PCDH9: variants seen among roughly 807,000 people sequenced by gnomAD.
PCDH9 encodes protocadherin-9.
PCDH9 carries 24 observed loss-of-function variants against 70.6 expected under a neutral mutation model. That is an observed-to-expected ratio of 0.34 (90% CI 0.25 to 0.48). The LOEUF (loss-of-function observed/expected upper bound fraction) is 0.48. PCDH9 is among the 20% of genes least tolerant of loss of function. The pLI, the probability that PCDH9 is intolerant of heterozygous loss-of-function variation, is 0.99. For missense variants in PCDH9, 1,281 were observed against 1,503.6 expected (o/e 0.85, Z 2.45); for synonymous variants, 562 against 558.5 (o/e 1.01, Z -0.09).
At chr13:66,390,299 A>G (rs1956994677) in intron 4 of PCDH9, among the ~76,000 whole-genome samples, 1 of 152,052 alleles carries the variant, frequency 6.6e-6, no homozygotes, top group South Asian at 2.1e-4. Flanking sequence ...ATGGCACTCC[A>G]TTTCTTCTTC....
At chr13:66,787,371 T>G (rs2080096022) in intron 3 of PCDH9, among the ~76,000 whole-genome samples, 1 of 152,098 alleles carries the variant, frequency 6.6e-6, no homozygotes, top group African/African-American at 2.4e-5. Flanking sequence ...ATCACAGCAC[T>G]TTGGGAGGCT....
chr13:66,419,362 G>A (rs773903407), intron 4 of PCDH9, among the ~76,000 whole-genome samples: 53 of 151,854 alleles, frequency 3.5e-4, no homozygotes, highest in Non-Finnish European at 5.6e-4. Context: ...GGATTCCCAC[G>A]CAAGATGGCG....
At chr13:67,184,612 T>C (rs904758197) in intron 2 of PCDH9, among the ~76,000 whole-genome samples, 1 of 152,078 alleles carries the variant, frequency 6.6e-6, no homozygotes, top group Non-Finnish European at 1.5e-5. Flanking sequence ...ACAACTGTTG[T>C]CCCGGCTACT....
intron 2 of PCDH9, among the ~76,000 whole-genome samples, chr13:66,919,872 A>T (rs537223760): frequency 5.6e-4 from 85 of 151,266 alleles, no homozygotes; most frequent in Non-Finnish European, 1.1e-3. Flanking sequence ...ATTAAAATTT[A>T]AAATTATATA....
Position 67,224,465 on chromosome 13 carries a change from G to A in PCDH9, c.3036+940C>T, listed in dbSNP as rs190980039. The A allele has an allele frequency of 4.3e-3, 648 of 152,258 alleles. 3 individuals carry two copies. Among genetic ancestry groups the A allele is most frequent in the Admixed American group, 8.0e-3 (123 of 15,292 alleles). 9.4% of individuals were successfully genotyped at this position (152,258 alleles called of 1,614,324 possible). The stretch of plus-strand genomic sequence containing the variant: ...AGGCTATTATCGATATTCAAATTTT[G>A]TGGCAACAGACAAGCACCAGTGAAA... On this transcript the variant is annotated intron_variant, in intron 2 of 4. Transcript: ENST00000377865.
intron 4 of PCDH9, among the ~76,000 whole-genome samples, chr13:66,433,678 C>G (rs993293598): frequency 6.6e-5 from 10 of 151,312 alleles, no homozygotes; most frequent in Admixed American, 6.6e-4. Flanking sequence ...GTTAAGTATC[C>G]CACCCAATGC....
chr13:67,226,055 A>G lies in PCDH9; in HGVS notation c.2386T>C (p.Leu796=). 3 of 1,614,074 alleles carry G rather than the reference A, an allele frequency of 1.9e-6. No homozygotes were observed. The highest frequency in any genetic ancestry group is 1.7e-6 in the Non-Finnish European group (2 of 1,180,002). ...DLIRRTMETP[L]DRNIGDSSQP... ...CTACTATCCCCTATGTTCCTGTCCA[A>G]CGGGGTCTCCATAGTCCTGCGGATC... Residue 796 remains leucine, a synonymous_variant, in exon 2 of 5, where the codon TTG becomes CTG. Transcript: ENST00000377865. The surrounding 1 kb of genome is among the most constrained non-coding windows in gnomAD (Gnocchi z 5.0).
chr13:66,599,260 ATT>A (rs970780470), intron 4 of PCDH9, among the ~76,000 whole-genome samples: 1 of 151,542 alleles, frequency 6.6e-6, no homozygotes, highest in Non-Finnish European at 1.5e-5. Flanking sequence ...TTAAAAAGAA[ATT>A]TTTTTTCTTT....
intron 4 of PCDH9, among the ~76,000 whole-genome samples, chr13:66,320,894 G>A (rs764648198): frequency 2.6e-5 from 4 of 151,966 alleles, no homozygotes; most frequent in Non-Finnish European, 4.4e-5. Flanking sequence ...AGATCATCAC[G>A]TATAGCTTTC....
At position 66,575,665 on chromosome 13, in the gene PCDH9, C is replaced by T. The variant is rs752764528; in HGVS notation, c.3340+55545G>A. On this transcript the variant is annotated intron_variant, in intron 4 of 4. Transcript: ENST00000377865. Reference sequence around the variant, plus strand: ...TGGTATCCTCTTTATCCATCAATATCTTTTCATCCTTTAGGTTTTAGCTAA... The same window carrying T: ...TGGTATCCTCTTTATCCATCAATATTTTTTCATCCTTTAGGTTTTAGCTAA... 2.0e-5 allele frequency among the ~76,000 whole-genome samples: 3 copies of T among 152,224 alleles called. 1 individual carries two copies. The East Asian group carries it at 5.8e-4, about 29-fold the overall frequency.
intron 4 of PCDH9, among the ~76,000 whole-genome samples, chr13:66,502,251 T>C (rs1959180617): frequency 6.6e-6 from 1 of 152,158 alleles, no homozygotes; most frequent in South Asian, 2.1e-4. Context: ...ACATTAACTA[T>C]CACACTGAAT....
chr13:66,451,190 A>T (rs952370690), intron 4 of PCDH9, among the ~76,000 whole-genome samples: 8 of 152,344 alleles, frequency 5.3e-5, no homozygotes, highest in Admixed American at 4.6e-4. Flanking sequence ...TCACTCAAAA[A>T]ACTATATTTC....
intron 2 of PCDH9, among the ~76,000 whole-genome samples, chr13:66,941,773 CAG>C (rs1398415391): frequency 6.6e-6 from 1 of 151,758 alleles, no homozygotes; most frequent in Non-Finnish European, 1.5e-5. Context: ...TGCAAATAAA[CAG>C]AAAATAAATA....
chr13:66,979,201 G>A (rs1000628268), intron 2 of PCDH9, among the ~76,000 whole-genome samples: 1 of 152,026 alleles, frequency 6.6e-6, no homozygotes, highest in Non-Finnish European at 1.5e-5. Context: ...TTCTTTGAGG[G>A]TTATCAACCT....
In PCDH9 at chr13:66,670,994, C is replaced by T. The variant is rs373835449; in HGVS notation, c.3139-39583G>A. 1.4e-4 allele frequency among the ~76,000 whole-genome samples: 21 copies of T among 150,750 alleles called. 1 individual carries two copies. The East Asian group carries it at 3.1e-3, about 22-fold the overall frequency. On this transcript the variant is annotated intron_variant, in intron 3 of 4. Transcript: ENST00000377865. ...ACCCAAATCTCACTTTGAATTGTAGCTCCACATGTCATGGGAGGGACCTGT... is the reference window on the plus strand; with the variant it reads ...ACCCAAATCTCACTTTGAATTGTAGTTCCACATGTCATGGGAGGGACCTGT...
chr13:66,969,630 C>G (rs1161348211), intron 2 of PCDH9, among the ~76,000 whole-genome samples: 1 of 151,926 alleles, frequency 6.6e-6, no homozygotes, highest in African/African-American at 2.4e-5. Flanking sequence ...TTTTCAATAA[C>G]AAGCATTGAT....
At chr13:66,315,190 G>A (rs1395834367) in intron 4 of PCDH9, among the ~76,000 whole-genome samples, 1 of 152,108 alleles carries the variant, frequency 6.6e-6, no homozygotes, top group African/African-American at 2.4e-5. Flanking sequence ...CTGGATTCTG[G>A]CCACAGTCTC....
At chr13:66,337,823 G>T (rs1366337479) in intron 4 of PCDH9, among the ~76,000 whole-genome samples, 1 of 152,054 alleles carries the variant, frequency 6.6e-6, no homozygotes, top group Non-Finnish European at 1.5e-5. Flanking sequence ...CAAATGAGGA[G>T]AAATTTAATT....
chr13:66,834,733 G>A (rs766258722), intron 3 of PCDH9, among the ~76,000 whole-genome samples: 6 of 152,154 alleles, frequency 3.9e-5, no homozygotes, highest in Non-Finnish European at 8.8e-5. Context: ...AAGAAATATA[G>A]CAAAGAATCA....
Sources: gnomAD v4.1 joint callset for allele counts (sites outside exome capture counted in the v4.1 genomes callset) on GRCh38, gnomAD v4.1.1 for gene constraint, Gnocchi (gnomAD v3.1) non-coding constraint, MANE v1.5 for transcripts, NCBI Gene and HGNC (gene_info 2026-07-23, HGNC 2026-07-21) for gene names.